The following SPATS2L variants were observed in gnomAD, a reference collection of about 807,000 sequenced individuals.
The protein encoded by SPATS2L is SPATS2-like protein.
In SPATS2L, 30 loss-of-function variants were observed where a neutral mutation model predicts 59.6. That is an observed-to-expected ratio of 0.50 (90% CI 0.38 to 0.68). The LOEUF is 0.68. Among genes scored for constraint, SPATS2L ranks in the 30% least tolerant of loss-of-function variants. The probability of loss-of-function intolerance (pLI) is 0.00; values close to 1 mark genes in which losing one functional copy is unlikely to be tolerated. For missense variants in SPATS2L, 615 were observed against 700.0 expected (o/e 0.88, Z 1.37); for synonymous variants, 252 against 263.5 (o/e 0.96, Z 0.42).
intron 6 of SPATS2L, 125 bp from the exon 7 acceptor site, chr2:200,438,997 G>A: frequency 1.4e-6 from 1 of 702,456 alleles, no homozygotes; most frequent in East Asian, 2.7e-5. Context: ...TTTCTTGACT[G>A]TTTGCAATGA....
chr2:200,427,723 CATT>C (rs915805729), intron 6 of SPATS2L, among the ~76,000 whole-genome samples: 3 of 152,206 alleles, frequency 2.0e-5, no homozygotes, highest in Admixed American at 2.0e-4. Context: ...GCAGAACTGA[CATT>C]GTGTCTGCTG....
chr2:200,461,986 T>G (rs2086270413), intron 9 of SPATS2L, among the ~76,000 whole-genome samples: 1 of 151,842 alleles, frequency 6.6e-6, no homozygotes, highest in African/African-American at 2.4e-5. Flanking sequence ...ATGGACTATT[T>G]AGGTAGTTAA....
At chr2:200,420,563 C>T (rs1309241721) in intron 6 of SPATS2L, among the ~76,000 whole-genome samples, 1 of 152,188 alleles carries the variant, frequency 6.6e-6, no homozygotes, top group African/African-American at 2.4e-5. Context: ...GCTACAAATG[C>T]AGTCCAATTT....
At chr2:200,445,681 T>C (rs895485859) in intron 8 of SPATS2L, among the ~76,000 whole-genome samples, 5 of 152,210 alleles carry the variant, frequency 3.3e-5, no homozygotes, top group Admixed American at 1.3e-4. Flanking sequence ...GAAACATATA[T>C]CCTTGAAGCC....
intron 2 of SPATS2L, among the ~76,000 whole-genome samples, chr2:200,364,937 T>G (rs974314021): frequency 6.6e-6 from 1 of 152,062 alleles, no homozygotes; most frequent in African/African-American, 2.4e-5. Flanking sequence ...ATTTTTGCTT[T>G]GTTTTGTTTT....
At chr2:200,352,744 T>G (rs567387505) in intron 2 of SPATS2L, among the ~76,000 whole-genome samples, 159 of 152,328 alleles carry the variant, frequency 1.0e-3, no homozygotes, top group African/African-American at 3.8e-3. Context: ...TTCTTGTTCC[T>G]TAGCCTCATG....
At chr2:200,342,359 G>C (rs2080360831) in intron 2 of SPATS2L, among the ~76,000 whole-genome samples, 1 of 152,218 alleles carries the variant, frequency 6.6e-6, no homozygotes, top group African/African-American at 2.4e-5. Flanking sequence ...GAGTCAGCTG[G>C]GTGGTATTGG....
At chr2:200,364,649 T>C (rs2081213305) in intron 2 of SPATS2L, among the ~76,000 whole-genome samples, 1 of 152,228 alleles carries the variant, frequency 6.6e-6, no homozygotes, top group Non-Finnish European at 1.5e-5. Context: ...TTTATTCTAG[T>C]GCCATCCAGA....
chr2:200,431,995 G>A lies in SPATS2L; in HGVS notation c.446-7127G>A, dbSNP rs373387701. Among the ~76,000 whole-genome samples, 8 of 152,362 alleles carry A rather than the reference G, an allele frequency of 5.3e-5. No individual in the cohort carries two copies. The East Asian group carries it at 1.5e-3, about 29-fold the overall frequency. The stretch of plus-strand genomic sequence containing the variant: ...TATGAAAACAATTGCAGGCACTGCA[G>A]CTGAGTGTAAATGGTACAACTTGAC... On this transcript the variant is annotated intron_variant, in intron 6 of 12. Transcript: ENST00000409140.
chr2:200,342,244 C>A (rs1224111512), intron 2 of SPATS2L, among the ~76,000 whole-genome samples: 1 of 152,054 alleles, frequency 6.6e-6, no homozygotes, highest in Non-Finnish European at 1.5e-5. Flanking sequence ...AAGGGATAGA[C>A]CAGTGGAAGA....
intron 2 of SPATS2L, among the ~76,000 whole-genome samples, chr2:200,358,440 A>G (rs901368852): frequency 6.6e-5 from 10 of 152,246 alleles, no homozygotes; most frequent in Non-Finnish European, 1.0e-4. Context: ...TTCTATGGCT[A>G]GAAATACAGT....
chr2:200,433,897 AAC>A (rs1324499559), intron 6 of SPATS2L, among the ~76,000 whole-genome samples: 2 of 152,076 alleles, frequency 1.3e-5, no homozygotes, highest in African/African-American at 2.4e-5. Context: ...TGCAATCTTA[AAC>A]AGTTTCAGAA....
At chr2:200,426,628 G>A (rs183122498) in intron 6 of SPATS2L, among the ~76,000 whole-genome samples, 1 of 152,206 alleles carries the variant, frequency 6.6e-6, no homozygotes, top group Admixed American at 6.5e-5. Context: ...TTGTGGGGCT[G>A]AGGTGAGAGG....
intron 2 of SPATS2L, among the ~76,000 whole-genome samples, chr2:200,381,394 T>A (rs907269454): frequency 2.0e-5 from 3 of 152,164 alleles, no homozygotes; most frequent in African/African-American, 4.8e-5. Context: ...TCCTCCAACC[T>A]GGAGATCTGA....
intron 3 of SPATS2L, chr2:200,393,409 G>A (rs775568422): frequency 4.5e-6 from 2 of 439,810 alleles, no homozygotes; most frequent in Non-Finnish European, 9.3e-6. Flanking sequence ...AGGCTTAAGA[G>A]CCACAGTCAT....
At chr2:200,328,866 G>T (rs1574408387) in intron 1 of SPATS2L, among the ~76,000 whole-genome samples, 2 of 152,186 alleles carry the variant, frequency 1.3e-5, no homozygotes, top group South Asian at 4.1e-4. Flanking sequence ...ATCTTTTGGA[G>T]AGGAGAGGAT....
intron 3 of SPATS2L, among the ~76,000 whole-genome samples, chr2:200,411,973 G>T (rs1265458682): frequency 1.3e-5 from 2 of 152,138 alleles, no homozygotes; most frequent in African/African-American, 4.8e-5. Flanking sequence ...GACAGAAAAA[G>T]ACTTGGTGTC....
chr2:200,379,868 A>G (rs565138740), intron 2 of SPATS2L, among the ~76,000 whole-genome samples: 4 of 152,272 alleles, frequency 2.6e-5, no homozygotes, highest in Admixed American at 1.3e-4. Context: ...AGCTTACATC[A>G]TCGCATCTTG....
At chr2:200,386,436 A>G (rs2081996206) in intron 2 of SPATS2L, among the ~76,000 whole-genome samples, 1 of 152,224 alleles carries the variant, frequency 6.6e-6, no homozygotes, top group African/African-American at 2.4e-5. Context: ...AAAGAGAAAA[A>G]GAATTGCCAA....
Sources: allele counts gnomAD v4.1 joint callset (sites outside exome capture counted in the v4.1 genomes callset), GRCh38; gene constraint gnomAD v4.1.1; transcripts MANE v1.5; gene names NCBI Gene and HGNC (gene_info 2026-07-23, HGNC 2026-07-21).